The following CUL2 variants were observed in gnomAD, a reference collection of about 807,000 sequenced individuals.
CUL2 encodes the protein cullin 2, also known as cullin-2.
In CUL2, 22 loss-of-function variants were observed where a neutral mutation model predicts 110.2. The observed-to-expected ratio is 0.20, with a 90% CI of 0.14 to 0.28. CUL2 has a LOEUF of 0.28. Among genes scored for constraint, CUL2 ranks in the 10% least tolerant of loss-of-function variants. The pLI is 1.00. For synonymous variants in CUL2, 279 were observed against 293.2 expected, an observed-to-expected ratio of 0.95 and a Z score of 0.49; for missense variants, 631 against 905.5, an observed-to-expected ratio of 0.70 and a Z score of 3.89.
chr10:35,053,139 G>A (rs2086156354), intron 5 of CUL2, among the ~76,000 whole-genome samples: 5 of 152,112 alleles, frequency 3.3e-5, no homozygotes, highest in Non-Finnish European at 4.4e-5. Context: ...AAATACACAG[G>A]TAAAGTTCAG....
rs768568007 is a variant in CUL2, at chr10:35,054,533, G to A, written c.324C>T (p.Leu108=). Residue 108 remains leucine (L), a synonymous_variant, in exon 5 of 21, where the codon CTC becomes CTT. Coordinates refer to ENST00000374749, the MANE Select transcript of CUL2 (RefSeq NM_003591.4). ...TATTCTTTTTAATAAACTGGGTGTT[G>A]AGATACCTGGAAAATAAATGTAATA... ...ADYMDCLYRY[L]NTQFIKKNKL... 2 of 1,547,038 alleles carry A rather than the reference G, an allele frequency of 1.3e-6. No individual in the cohort carries two copies. Among genetic ancestry groups the A allele is most frequent in the South Asian group, 2.4e-5 (2 of 84,716 alleles).
chr10:35,073,816 G>A (rs1366969384), intron 1 of CUL2, among the ~76,000 whole-genome samples: 1 of 151,986 alleles, frequency 6.6e-6, no homozygotes, highest in Non-Finnish European at 1.5e-5. Flanking sequence ...ATGTTGGCCA[G>A]GCTGGTCTCA....
chr10:35,111,801 A>C (rs1483054675), intron 1 of CUL2, among the ~76,000 whole-genome samples: 1 of 152,152 alleles, frequency 6.6e-6, no homozygotes, highest in African/African-American at 2.4e-5. Flanking sequence ...GAGGCAGGAG[A>C]ATCACTTGAC....
At chr10:35,050,833 T>C (rs2086084050) in intron 5 of CUL2, among the ~76,000 whole-genome samples, 1 of 152,270 alleles carries the variant, frequency 6.6e-6, no homozygotes, top group South Asian at 2.1e-4. Context: ...GATTCTCTGA[T>C]ATACATCTAC....
At chr10:35,057,910 AT>A (rs2086283535) in intron 4 of CUL2, among the ~76,000 whole-genome samples, 1 of 151,896 alleles carries the variant, frequency 6.6e-6, no homozygotes, top group Non-Finnish European at 1.5e-5. Context: ...CCTGGCCAAC[AT>A]GGTGAAACCC....
intron 1 of CUL2, among the ~76,000 whole-genome samples, chr10:35,075,635 A>AACACACACACACACAC (rs34714483): frequency 3.5e-5 from 5 of 140,892 alleles, no homozygotes; most frequent in Non-Finnish European, 6.2e-5. Context: ...TGGGCCCTAA[A>AACACACACACACACAC]ACACACACAC....
At chr10:35,059,844 C>T (rs2086336718) in intron 4 of CUL2, among the ~76,000 whole-genome samples, 1 of 152,192 alleles carries the variant, frequency 6.6e-6, no homozygotes, top group African/African-American at 2.4e-5. Flanking sequence ...CTCAGCATTG[C>T]TTTCTTCCTC....
At chr10:35,015,967 T>C (rs986774849) in intron 18 of CUL2, among the ~76,000 whole-genome samples, 1 of 152,200 alleles carries the variant, frequency 6.6e-6, no homozygotes, top group Non-Finnish European at 1.5e-5. Context: ...TGTAACAGTA[T>C]AGGACAAATA....
At chr10:35,061,302 C>A (rs1202665253) in intron 3 of CUL2, among the ~76,000 whole-genome samples, 3 of 151,456 alleles carry the variant, frequency 2.0e-5, no homozygotes, top group African/African-American at 7.3e-5. Flanking sequence ...GGTGAAACCC[C>A]GTCTCTACTA....
chr10:35,017,872 GT>G (rs34303523), intron 17 of CUL2, among the ~76,000 whole-genome samples: 42,454 of 143,892 alleles, frequency 0.3, 6,550 homozygotes, highest in South Asian at 0.35. Context: ...TTCCATACGT[GT>G]TTAAAAAAAA....
chr10:35,035,029 G>T, intron 10 of CUL2, 143 bp downstream of exon 10: 1 of 1,019,302 alleles, frequency 9.8e-7, no homozygotes, highest in Non-Finnish European at 1.4e-6. Flanking sequence ...CAAATTCTAG[G>T]TTTAAAACAT....
chr10:35,011,870 C>G lies in CUL2; in HGVS notation c.2084G>C (p.Arg695Pro). The G allele has an allele frequency of 1.2e-6, 2 of 1,611,994 alleles. No individual in the cohort carries two copies. The highest frequency in any genetic ancestry group is 1.7e-6 in the Non-Finnish European group (2 of 1,178,244). The stretch of plus-strand genomic sequence containing the variant: ...TACCTCTTGAATAAGGGCATTGTGC[C>G]GAAGCACTTTTCGTGCTTTCATGAT... ...VRIMKARKVL[R>P]HNALIQEVIS... The change falls in exon 20 of 21, where the codon CGG becomes CCG. Residue 695 changes from arginine to proline, a missense_variant. Physicochemically the swap from Arg to Pro is moderately radical, Grantham distance 103. Transcript: ENST00000374749.
chr10:35,015,715 A>G (rs1371285680), intron 18 of CUL2, among the ~76,000 whole-genome samples: 1 of 152,208 alleles, frequency 6.6e-6, no homozygotes, highest in Non-Finnish European at 1.5e-5. Flanking sequence ...TTAAAAATAT[A>G]TGGTGGTTAA....
intron 17 of CUL2, among the ~76,000 whole-genome samples, chr10:35,019,598 G>C (rs1238772127): frequency 1.3e-5 from 2 of 152,132 alleles, no homozygotes; most frequent in Non-Finnish European, 2.9e-5. Flanking sequence ...AACCCTAAGA[G>C]ACTAAAAACT....
intron 19 of CUL2, among the ~76,000 whole-genome samples, chr10:35,012,739 A>G (rs1280039587): frequency 2.0e-5 from 3 of 152,194 alleles, no homozygotes; most frequent in Admixed American, 1.3e-4. Context: ...GTCTCCCCCC[A>G]TCGGGAATTA....
At chr10:35,041,033 A>G (rs2085773685) in intron 8 of CUL2, among the ~76,000 whole-genome samples, 1 of 152,192 alleles carries the variant, frequency 6.6e-6, no homozygotes, top group African/African-American at 2.4e-5. Flanking sequence ...GCCACAGGTC[A>G]GTACTGGTCC....
chr10:35,087,395 A>G (rs755043491), intron 1 of CUL2, among the ~76,000 whole-genome samples: 5 of 152,176 alleles, frequency 3.3e-5, no homozygotes, highest in Non-Finnish European at 4.4e-5. Flanking sequence ...AGTTCCATGA[A>G]GCCAGAAATT....
At chr10:35,114,912 TAA>T (rs2087573853) in intron 1 of CUL2, among the ~76,000 whole-genome samples, 1 of 151,936 alleles carries the variant, frequency 6.6e-6, no homozygotes, top group Non-Finnish European at 1.5e-5. Flanking sequence ...AGAAACTATC[TAA>T]AATGGAGCAC....
chr10:35,121,020 T>A (rs539643786), intron 1 of CUL2, among the ~76,000 whole-genome samples: 78 of 152,348 alleles, frequency 5.1e-4, no homozygotes, highest in African/African-American at 1.7e-3. Flanking sequence ...CTTTCTAAGT[T>A]CATTTTTCCA....
Sources: allele counts gnomAD v4.1 joint callset (sites outside exome capture counted in the v4.1 genomes callset), GRCh38; gene constraint gnomAD v4.1.1; transcripts MANE v1.5; gene names NCBI Gene and HGNC (gene_info 2026-07-23, HGNC 2026-07-21).